The following KAZN variants were observed in gnomAD, a reference collection of about 807,000 sequenced individuals.
KAZN encodes kazrin, periplakin interacting protein.
KAZN carries 40 observed loss-of-function variants against 87.4 expected under a neutral mutation model. That is an observed-to-expected ratio of 0.46 (90% CI 0.36 to 0.60). KAZN has a LOEUF of 0.60. Among genes scored for constraint, KAZN ranks in the 20% least tolerant of loss-of-function variants. The pLI, the probability that KAZN is intolerant of heterozygous loss-of-function variation, is 0.00. For synonymous variants in KAZN, 466 were observed against 458.3 expected (o/e 1.02, Z -0.22); for missense variants, 898 against 1,073.9 (o/e 0.84, Z 2.29).
intron 1 of KAZN, among the ~76,000 whole-genome samples, chr1:13,899,997 C>A (rs181320811): frequency 1.4e-4 from 22 of 152,216 alleles, no homozygotes; most frequent in Admixed American, 1.1e-3. Flanking sequence ...GATATTGACG[C>A]ATCTGTTTTA....
chr1:13,931,893 A>C (rs928003678), intron 1 of KAZN, among the ~76,000 whole-genome samples: 1 of 152,138 alleles, frequency 6.6e-6, no homozygotes, highest in African/African-American at 2.4e-5. Context: ...GCTGGAGTGC[A>C]GTGGCACGAT....
intron 2 of KAZN, among the ~76,000 whole-genome samples, chr1:15,018,755 C>G (rs538116732): frequency 6.6e-6 from 1 of 152,222 alleles, no homozygotes; most frequent in Admixed American, 6.5e-5. Flanking sequence ...CTGGTTGATG[C>G]TGAATGCCAG....
chr1:14,576,612 A>G (rs113870594), intron 2 of KAZN, among the ~76,000 whole-genome samples: 1 of 152,218 alleles, frequency 6.6e-6, no homozygotes, highest in Non-Finnish European at 1.5e-5. Context: ...AGTGCTAAAA[A>G]TTGAAAAGCC....
At chr1:14,083,231 T>C (rs949319859) in intron 1 of KAZN, among the ~76,000 whole-genome samples, 2 of 152,234 alleles carry the variant, frequency 1.3e-5, no homozygotes, top group South Asian at 2.1e-4. Context: ...GTTCTGTACA[T>C]AGAGCACTTT....
At chr1:14,567,209 C>T (rs1674595045) in intron 2 of KAZN, among the ~76,000 whole-genome samples, 1 of 152,026 alleles carries the variant, frequency 6.6e-6, no homozygotes, top group Admixed American at 6.6e-5. Context: ...TTCAATATTG[C>T]TGTGGCTCAG....
chr1:14,420,948 G>A (rs1052702501), intron 2 of KAZN, among the ~76,000 whole-genome samples: 1 of 143,574 alleles, frequency 7.0e-6, no homozygotes, highest in Non-Finnish European at 1.6e-5. Flanking sequence ...AGCCAGCTCC[G>A]GCCTCCGCCA....
intron 1 of KAZN, among the ~76,000 whole-genome samples, chr1:14,846,692 G>A (rs1648809162): frequency 6.6e-6 from 1 of 152,094 alleles, no homozygotes; most frequent in African/African-American, 2.4e-5. Flanking sequence ...GAGAATCAGG[G>A]GGGAGTTATC....
At chr1:14,050,478 G>A (rs940695089) in intron 1 of KAZN, among the ~76,000 whole-genome samples, 1 of 152,170 alleles carries the variant, frequency 6.6e-6, no homozygotes, top group African/African-American at 2.4e-5. Context: ...GGGGAAGAAG[G>A]AATGTCTCAC....
At chr1:13,914,156 A>C (rs529573012) in intron 1 of KAZN, among the ~76,000 whole-genome samples, 3 of 152,242 alleles carry the variant, frequency 2.0e-5, no homozygotes, top group African/African-American at 7.2e-5. Flanking sequence ...TAGTCAGGGT[A>C]CTAAATTTGA....
chr1:13,895,158 A>T (rs2744646), intron 1 of KAZN, among the ~76,000 whole-genome samples: 3 of 152,148 alleles, frequency 2.0e-5, no homozygotes, highest in African/African-American at 7.2e-5. Flanking sequence ...GGTAGTAGAC[A>T]ATGGAAGCAT....
chr1:14,385,679 AGTTT>A (rs1661812763), intron 2 of KAZN, among the ~76,000 whole-genome samples: 1 of 151,744 alleles, frequency 6.6e-6, no homozygotes, highest in Non-Finnish European at 1.5e-5. Flanking sequence ...TCTGAGAGAT[AGTTT>A]GTTATAATTT....
At chr1:14,601,778 G>C (rs1281081140) in intron 1 of KAZN, among the ~76,000 whole-genome samples, 3 of 152,280 alleles carry the variant, frequency 2.0e-5, no homozygotes, top group East Asian at 3.9e-4. Context: ...GAGTGTTTAA[G>C]TGCTATTGAG....
At chr1:14,899,958 T>G (rs1572769661) in intron 1 of KAZN, among the ~76,000 whole-genome samples, 1 of 152,114 alleles carries the variant, frequency 6.6e-6, no homozygotes, top group Non-Finnish European at 1.5e-5. Flanking sequence ...CTCCATCTTC[T>G]CAAGTAATGT....
chr1:14,052,207 G>A (rs1642370158), intron 1 of KAZN, among the ~76,000 whole-genome samples: 1 of 152,126 alleles, frequency 6.6e-6, no homozygotes, highest in Admixed American at 6.6e-5. Flanking sequence ...ACCCAGCCAG[G>A]GCCTAACTCT....
intron 2 of KAZN, among the ~76,000 whole-genome samples, chr1:14,206,877 T>C (rs527858411): frequency 6.6e-6 from 1 of 152,274 alleles, no homozygotes; most frequent in East Asian, 1.9e-4. Context: ...TTCCAGGTTT[T>C]TCTTTGCTCT....
chr1:14,416,712 G>A (rs980282554), intron 2 of KAZN, among the ~76,000 whole-genome samples: 2 of 151,910 alleles, frequency 1.3e-5, no homozygotes, highest in Non-Finnish European at 2.9e-5. Context: ...ACTCCAGCCT[G>A]GGTGACAGAA....
chr1:14,588,268 C>G (rs1328898166), intron 2 of KAZN, among the ~76,000 whole-genome samples: 1 of 152,138 alleles, frequency 6.6e-6, no homozygotes, highest in Non-Finnish European at 1.5e-5. Flanking sequence ...CATTTAGCCT[C>G]TTCTTGGATA....
chr1:14,488,728 T>G (rs139300390), intron 2 of KAZN, among the ~76,000 whole-genome samples: 74 of 152,302 alleles, frequency 4.9e-4, no homozygotes, highest in Non-Finnish European at 8.2e-4. Context: ...CTCCATGGCA[T>G]TGTAATTCCT....
At chr1:14,224,881 T>C (rs1647208558) in intron 2 of KAZN, among the ~76,000 whole-genome samples, 1 of 152,152 alleles carries the variant, frequency 6.6e-6, no homozygotes, top group Non-Finnish European at 1.5e-5. Context: ...AACATTTAAT[T>C]TCAAAGCAAA....
Sources: allele counts gnomAD v4.1 joint callset (sites outside exome capture counted in the v4.1 genomes callset), GRCh38; gene constraint gnomAD v4.1.1; transcripts MANE v1.5; gene names NCBI Gene and HGNC (gene_info 2026-07-23, HGNC 2026-07-21).